The following CUX1 variants were observed in gnomAD, a reference collection of about 807,000 sequenced individuals.
CUX1 encodes protein CASP.
CUX1 carries 31 observed loss-of-function variants against 158.8 expected under a neutral mutation model. That is an observed-to-expected ratio of 0.20 (90% CI 0.15 to 0.26). CUX1 has a LOEUF of 0.26. Among genes scored for constraint, CUX1 ranks in the 10% least tolerant of loss-of-function variants. The probability of loss-of-function intolerance (pLI) is 1.00; values close to 1 mark genes in which losing one functional copy is unlikely to be tolerated. For synonymous variants in CUX1, 879 were observed against 862.1 expected, an observed-to-expected ratio of 1.02 and a Z score of -0.34; for missense variants, 1,589 against 2,014.6, an observed-to-expected ratio of 0.79 and a Z score of 4.04.
intron 21 of CUX1, among the ~76,000 whole-genome samples, chr7:102,229,846 C>T (rs567542219): frequency 5.9e-4 from 89 of 150,620 alleles, no homozygotes; most frequent in African/African-American, 2.1e-3. Flanking sequence ...TCGAATTGGC[C>T]TCTGGCCTCA....
At chr7:102,004,171 C>G (rs1219071945) in intron 2 of CUX1, among the ~76,000 whole-genome samples, 4 of 152,172 alleles carry the variant, frequency 2.6e-5, no homozygotes, top group Non-Finnish European at 4.4e-5. Context: ...CTTTGATATC[C>G]TGCCCCAGAG....
intron 1 of CUX1, among the ~76,000 whole-genome samples, chr7:101,903,990 T>C (rs1483862432): frequency 1.3e-5 from 2 of 152,160 alleles, no homozygotes; most frequent in African/African-American, 2.4e-5. Flanking sequence ...ACGTGTTCAC[T>C]TGGTCTAAAA....
At chr7:102,088,297 C>A (rs1828160870) in intron 4 of CUX1, among the ~76,000 whole-genome samples, 1 of 152,150 alleles carries the variant, frequency 6.6e-6, no homozygotes, top group Non-Finnish European at 1.5e-5. Context: ...CGCGTCCAGC[C>A]ACCTTCATTT....
intron 14 of CUX1, among the ~76,000 whole-genome samples, chr7:102,271,547 T>A (rs1403346328): frequency 6.6e-6 from 1 of 152,224 alleles, no homozygotes; most frequent in Non-Finnish European, 1.5e-5. Context: ...TCTGGACCTC[T>A]CCCCTTTGGG....
chr7:102,229,611 CTTTTTT>C (rs781991747), intron 21 of CUX1, among the ~76,000 whole-genome samples: 1 of 70,020 alleles, frequency 1.4e-5, no homozygotes, highest in Non-Finnish European at 2.6e-5. Context: ...CGTGTCTGGC[CTTTTTT>C]TTTTTTTTTT....
At chr7:101,891,922 G>A (rs1414928435) in intron 1 of CUX1, among the ~76,000 whole-genome samples, 1 of 152,186 alleles carries the variant, frequency 6.6e-6, no homozygotes, top group Non-Finnish European at 1.5e-5. Context: ...GTGTCAATAA[G>A]TGTTAAATGC....
At chr7:102,072,742 C>T (rs569274498) in intron 4 of CUX1, among the ~76,000 whole-genome samples, 6 of 152,236 alleles carry the variant, frequency 3.9e-5, no homozygotes, top group African/African-American at 1.4e-4. Flanking sequence ...ATTTTCCTGC[C>T]TCAAGAGCAC....
At chr7:102,020,033 CTG>C (rs1239175087) in intron 2 of CUX1, among the ~76,000 whole-genome samples, 1 of 152,102 alleles carries the variant, frequency 6.6e-6, no homozygotes, top group Non-Finnish European at 1.5e-5. Context: ...GGCCTATACA[CTG>C]TAAAAATAGG....
intron 4 of CUX1, among the ~76,000 whole-genome samples, chr7:102,087,055 A>G (rs569973884): frequency 6.6e-5 from 10 of 152,300 alleles, no homozygotes; most frequent in African/African-American, 2.4e-4. Flanking sequence ...GTAAATACCT[A>G]CATCTTGCTT....
intron 10 of CUX1, among the ~76,000 whole-genome samples, chr7:102,173,806 T>C (rs1791993179): frequency 6.6e-6 from 1 of 152,152 alleles, no homozygotes; most frequent in Admixed American, 6.5e-5. Flanking sequence ...GTGCCGTGTT[T>C]ACATGGCACC....
In CUX1 at chr7:102,221,805, G is replaced by T. The variant is rs189373952; in HGVS notation, c.3131-5562G>T. 1.0e-3 allele frequency among the ~76,000 whole-genome samples: 156 copies of T among 150,912 alleles called. 1 individual carries two copies. Among genetic ancestry groups the T allele is most frequent in the African/African-American group, 3.7e-3 (153 of 40,944 alleles). Reference sequence around the variant, plus strand: ...TTTTTAAATGTAACACCTTACTATTGCTGTCAAAACTGGATGGATGGTACT... The same window carrying T: ...TTTTTAAATGTAACACCTTACTATTTCTGTCAAAACTGGATGGATGGTACT... On this transcript the variant is annotated intron_variant, in intron 20 of 23. Transcript: ENST00000292535.
Position 102,239,427 on chromosome 7 carries a change from C to T in CUX1, c.3730C>T (p.Leu1244=). 6.2e-7 allele frequency: 1 copy of T among 1,613,912 alleles called. No individual in the cohort carries two copies. Among genetic ancestry groups the T allele is most frequent in the South Asian group, 1.1e-5 (1 of 91,088 alleles). Residue 1244 remains leucine (L), a synonymous_variant, in exon 23 of 24, where the codon CTG becomes TTG. Coordinates refer to ENST00000292535, the MANE Select transcript of CUX1 (RefSeq NM_181552.4). ...QGASPQPQHQ[L]KKPRVVLAPE... is the part of the protein sequence containing the mutation. ...CGCCAGCCCCCAGCCCCAGCACCAG[C>T]TGAAGAAACCCCGGGTGGTGCTGGC...
chr7:102,256,376 C>G lies in CUX1; in HGVS notation c.*7334C>G, dbSNP rs1471789898. The G allele has an allele frequency of 4.1e-6, 4 of 985,066 alleles. No homozygotes were observed. Among genetic ancestry groups the G allele is most frequent in the Admixed American group, 6.1e-5 (1 of 16,264 alleles). 61.0% of individuals were successfully genotyped at this position (985,066 alleles called of 1,614,324 possible). On this transcript the variant is annotated 3_prime_UTR_variant, in exon 24 of 24. Transcript: ENST00000292535. ...TTAGGTTAATCATTTAAGTACTTATCAGGAGTGTATTGTTATTTTGTGTTT... is the reference window on the plus strand; with the variant it reads ...TTAGGTTAATCATTTAAGTACTTATGAGGAGTGTATTGTTATTTTGTGTTT...
At chr7:101,995,162 C>G (rs368538590) in intron 2 of CUX1, among the ~76,000 whole-genome samples, 1 of 152,130 alleles carries the variant, frequency 6.6e-6, no homozygotes, top group South Asian at 2.1e-4. Context: ...TTGTGGGGAA[C>G]TGCTGCTGAC....
chr7:101,993,723 C>T (rs1815447474), intron 2 of CUX1, among the ~76,000 whole-genome samples: 1 of 152,218 alleles, frequency 6.6e-6, no homozygotes, highest in Admixed American at 6.5e-5. Context: ...CTTTTCCTCT[C>T]CCTAACTCTG....
At chr7:102,159,251 G>A (rs112889518) in intron 9 of CUX1, among the ~76,000 whole-genome samples, 2 of 151,868 alleles carry the variant, frequency 1.3e-5, no homozygotes, top group Non-Finnish European at 2.9e-5. Flanking sequence ...ATCTCACCAC[G>A]GTGTTATCCT....
intron 1 of CUX1, among the ~76,000 whole-genome samples, chr7:101,847,298 T>C (rs1021304530): frequency 6.6e-6 from 1 of 152,160 alleles, no homozygotes; most frequent in African/African-American, 2.4e-5. Flanking sequence ...TCATGATATA[T>C]TGTTACCTGG....
chr7:102,131,131 C>T (rs1036546097), intron 8 of CUX1, among the ~76,000 whole-genome samples: 1 of 151,266 alleles, frequency 6.6e-6, no homozygotes, highest in South Asian at 2.1e-4. Context: ...AAAAAACTCT[C>T]CAGTTTGTAG....
intron 14 of CUX1, among the ~76,000 whole-genome samples, chr7:102,264,347 C>T (rs1450588037): frequency 6.6e-6 from 1 of 152,162 alleles, no homozygotes; most frequent in Non-Finnish European, 1.5e-5. Flanking sequence ...GCTGAGGGAA[C>T]GAGCCCTGCA....
Sources: allele counts gnomAD v4.1 joint callset (sites outside exome capture counted in the v4.1 genomes callset), GRCh38; gene constraint gnomAD v4.1.1; transcripts MANE v1.5; gene names NCBI Gene and HGNC (gene_info 2026-07-23, HGNC 2026-07-21).